The following STPG2 variants were observed in gnomAD, a reference collection of about 807,000 sequenced individuals.
The protein encoded by STPG2 is sperm tail PG-rich repeat containing 2.
STPG2 carries 56 observed loss-of-function variants against 54.2 expected under a neutral mutation model. The ratio of observed to expected loss-of-function variants is 1.03; its 90% confidence interval spans 0.83 to 1.29. The LOEUF (loss-of-function observed/expected upper bound fraction) is 1.29, where lower values mean the gene tolerates loss of function less well. Ranked by LOEUF, STPG2 falls within the 50% of genes most tolerant of loss-of-function variation. STPG2 has a pLI of 0.00. For missense variants in STPG2, 596 were observed against 544.9 expected (o/e 1.09, Z -0.93); for synonymous variants, 200 against 181.8 (o/e 1.10, Z -0.81).
At chr4:97,961,373 T>C (rs938021298) in intron 7 of STPG2, among the ~76,000 whole-genome samples, 5 of 152,114 alleles carry the variant, frequency 3.3e-5, no homozygotes, top group African/African-American at 4.8e-5. Flanking sequence ...TTAATTAAAC[T>C]GAAGAGCTTT....
chr4:97,890,557 G>A (rs1730731439), intron 8 of STPG2, among the ~76,000 whole-genome samples: 2 of 151,944 alleles, frequency 1.3e-5, no homozygotes, highest in South Asian at 2.1e-4. Context: ...TAAAACTGAA[G>A]AGAAGTTGGT....
chr4:98,061,478 G>A (rs1178738567), intron 5 of STPG2, among the ~76,000 whole-genome samples: 8 of 152,094 alleles, frequency 5.3e-5, no homozygotes, highest in African/African-American at 1.4e-4. Context: ...CAGTGAGGGG[G>A]AAATCTGCCC....
At chr4:97,444,762 G>T (rs748000682) in intron 4 of STPG2, among the ~76,000 whole-genome samples, 12 of 152,190 alleles carry the variant, frequency 7.9e-5, no homozygotes, top group Non-Finnish European at 1.5e-4. Context: ...GGGTGCAGTG[G>T]CTCACACCTG....
At chr4:97,878,205 C>A (rs866964623) in intron 8 of STPG2, among the ~76,000 whole-genome samples, 3 of 151,542 alleles carry the variant, frequency 2.0e-5, no homozygotes, top group Non-Finnish European at 4.4e-5. Context: ...GGCATTGTCT[C>A]CAGCTTTTCC....
intron 8 of STPG2, among the ~76,000 whole-genome samples, chr4:97,922,580 T>C (rs1553925200): frequency 6.6e-6 from 1 of 152,346 alleles, no homozygotes; most frequent in Non-Finnish European, 1.5e-5. Context: ...TGCACAGGTA[T>C]GCTGAATAGC....
chr4:97,534,205 T>A (rs528506513), intron 4 of STPG2, among the ~76,000 whole-genome samples: 1 of 152,162 alleles, frequency 6.6e-6, no homozygotes, highest in Non-Finnish European at 1.5e-5. Flanking sequence ...GTTCATACTT[T>A]TTATATTGTT....
chr4:97,944,643 A>C (rs1286721456), intron 7 of STPG2, among the ~76,000 whole-genome samples: 2 of 152,144 alleles, frequency 1.3e-5, no homozygotes, highest in Middle Eastern at 3.2e-3. Flanking sequence ...AAGGGGTAAG[A>C]ATCTATTTTC....
At chr4:97,661,051 GT>G (rs2148961274) in intron 10 of STPG2, among the ~76,000 whole-genome samples, 1 of 151,970 alleles carries the variant, frequency 6.6e-6, no homozygotes, top group East Asian at 1.9e-4. Context: ...AAAAAAATAA[GT>G]TTCCATCAAG....
chr4:97,569,954 C>T (rs1286306406), intron 10 of STPG2, among the ~76,000 whole-genome samples: 1 of 151,794 alleles, frequency 6.6e-6, no homozygotes, highest in Admixed American at 6.6e-5. Flanking sequence ...TGTAATATAT[C>T]CTGAAAAGTA....
chr4:97,817,756 C>T (rs1727959213), intron 9 of STPG2, among the ~76,000 whole-genome samples: 1 of 151,950 alleles, frequency 6.6e-6, no homozygotes, highest in Non-Finnish European at 1.5e-5. Flanking sequence ...ACTCTAGAGG[C>T]AACTCTTCCA....
At chr4:97,778,052 G>A (rs542187314) in intron 9 of STPG2, among the ~76,000 whole-genome samples, 94 of 152,232 alleles carry the variant, frequency 6.2e-4, no homozygotes, top group African/African-American at 2.0e-3. Context: ...GCTGGGGTTC[G>A]TCAGACAGTG....
Position 97,972,446 on chromosome 4 carries a change from A to C in STPG2, c.773-6T>G. ...GACATTATAAAATCCAGGACCTAAA[A>C]TTATTAGAAGTATCATATATAAGAA... On this transcript the variant is annotated splice_region_variant and splice_polypyrimidine_tract_variant and intron_variant, in intron 6 of 10. Coordinates refer to ENST00000295268, the MANE Select transcript of STPG2 (RefSeq NM_174952.3). 6.8e-7 allele frequency: 1 copy of C among 1,468,470 alleles called. No individual in the cohort carries two copies. The highest frequency in any genetic ancestry group is 9.2e-7 in the Non-Finnish European group (1 of 1,092,618). The allele number at this position is 1,468,470 out of a possible 1,614,324, so 91.0% of individuals were successfully genotyped here. A position where few individuals can be genotyped will look rare whatever the true frequency, so the allele number is the denominator to read the frequency against.
intron 10 of STPG2, among the ~76,000 whole-genome samples, chr4:97,691,210 C>T (rs1002803492): frequency 6.6e-6 from 1 of 152,104 alleles, no homozygotes; most frequent in Admixed American, 6.5e-5. Context: ...CATGGGACAG[C>T]TGAGGAACTG....
At position 97,985,181 on chromosome 4, in the gene STPG2, T is replaced by C. The variant is rs565275189; in HGVS notation, c.613-3863A>G. Reference sequence around the variant, plus strand: ...TATTATCCTAAATACTATCTTATTATTTTAGATGCTAAGTATAATGTTTAT... The same window carrying C: ...TATTATCCTAAATACTATCTTATTACTTTAGATGCTAAGTATAATGTTTAT... On this transcript the variant is annotated intron_variant, in intron 5 of 10. Coordinates refer to ENST00000295268, the MANE Select transcript of STPG2 (RefSeq NM_174952.3). 5.9e-5 allele frequency among the ~76,000 whole-genome samples: 9 copies of C among 152,320 alleles called. No individual in the cohort carries two copies. The South Asian group carries it at 1.5e-3, about 25-fold the overall frequency.
intron 10 of STPG2, among the ~76,000 whole-genome samples, chr4:97,583,490 C>G (rs537192070): frequency 6.6e-6 from 1 of 151,922 alleles, no homozygotes; most frequent in Admixed American, 6.6e-5. Flanking sequence ...AGAGTTCCTG[C>G]TATTTTCACA....
At chr4:98,139,843 G>A (rs1000707971) in intron 1 of STPG2, among the ~76,000 whole-genome samples, 2 of 152,122 alleles carry the variant, frequency 1.3e-5, no homozygotes, top group Non-Finnish European at 2.9e-5. Flanking sequence ...TTTAAATTAC[G>A]CTATATGTGG....
In STPG2 at chr4:97,521,691, A is replaced by C. The variant is rs150203317; in HGVS notation, c.462+191008T>G. On this transcript the variant is annotated intron_variant, in intron 4 of 4. Coordinates refer to the STPG2 transcript ENST00000522676. The stretch of plus-strand genomic sequence containing the variant: ...AATACACCTATGAAGTAATTTGTTC[A>C]TATACAACTTAAAATATGTAAAATA... Among the ~76,000 whole-genome samples, 632 of 152,208 alleles carry C rather than the reference A, an allele frequency of 4.2e-3. 3 individuals carry two copies. The highest frequency in any genetic ancestry group is 0.02 in the South Asian group (98 of 4,832).
rs528583130 is a variant in STPG2 at position 97,762,854 on chromosome 4, T to C, written c.1205-50040A>G. 1.8e-3 allele frequency among the ~76,000 whole-genome samples: 268 copies of C among 152,326 alleles called. 2 individuals are homozygous for C. The highest frequency in any genetic ancestry group is 6.0e-3 in the African/African-American group (250 of 41,576). ...GCTAAAAAAGAGGAATAATCAGTTATAGTGTTTGCATAAATGTCACTATAT... is the reference window on the plus strand; with the variant it reads ...GCTAAAAAAGAGGAATAATCAGTTACAGTGTTTGCATAAATGTCACTATAT... On this transcript the variant is annotated intron_variant, in intron 9 of 10. Transcript: ENST00000295268.
chr4:98,081,477 TA>T (rs1485118562), intron 5 of STPG2, among the ~76,000 whole-genome samples: 1 of 152,000 alleles, frequency 6.6e-6, no homozygotes, highest in African/African-American at 2.4e-5. Flanking sequence ...AAACAAATTT[TA>T]AAAAAAACTG....
Sources: gnomAD v4.1 joint callset for allele counts (sites outside exome capture counted in the v4.1 genomes callset) on GRCh38, gnomAD v4.1.1 for gene constraint, MANE v1.5 for transcripts, NCBI Gene and HGNC (gene_info 2026-07-23, HGNC 2026-07-21) for gene names.